The following TSPAN10 variants were observed in gnomAD, a reference collection of about 807,000 sequenced individuals.
TSPAN10 encodes the protein tetraspanin 10, also known as tetraspanin-10.
In TSPAN10, 11 loss-of-function variants were observed where a neutral mutation model predicts 15.0. The observed-to-expected ratio is 0.73, with a 90% confidence interval of 0.46 to 1.21. The LOEUF is 1.21. TSPAN10 is among the 50% of genes most tolerant of loss of function. The probability of loss-of-function intolerance (pLI) is 0.00; values close to 1 mark genes in which losing one functional copy is unlikely to be tolerated. For synonymous variants in TSPAN10, 241 were observed against 226.2 expected (o/e 1.07, Z -0.59); for missense variants, 486 against 470.6 (o/e 1.03, Z -0.30).
upstream of TSPAN10, among the ~76,000 whole-genome samples, chr17:81,641,688 G>A (rs2036179185): frequency 6.6e-6 from 1 of 152,090 alleles, no homozygotes; most frequent in Non-Finnish European, 1.5e-5. Context: ...GGCCAAGGCA[G>A]GAGAATCACT....
chr17:81,642,364 G>A (rs772499751), upstream of TSPAN10: 14 of 1,611,974 alleles, frequency 8.7e-6, no homozygotes, highest in East Asian at 8.9e-5. Context: ...AGGAGCCAGC[G>A]AACCTCTCCC....
chr17:81,645,262 G>A, exon 2 of TSPAN10: 10 of 1,533,000 alleles, frequency 6.5e-6, no homozygotes, highest in Non-Finnish European at 7.0e-6. Flanking sequence ...CTGGGGCCTG[G>A]CTGTCAAGGG....
upstream of TSPAN10, chr17:81,642,374 C>G (rs771337272): frequency 5.0e-6 from 8 of 1,613,202 alleles, no homozygotes; most frequent in Non-Finnish European, 6.8e-6. Flanking sequence ...GAACCTCTCC[C>G]GGCGCCTGTG....
upstream of TSPAN10, among the ~76,000 whole-genome samples, chr17:81,639,910 G>A (rs548145256): frequency 1.1e-3 from 161 of 151,904 alleles, no homozygotes; most frequent in Non-Finnish European, 1.1e-3. Context: ...AACCCGGGAG[G>A]CAGAGCTTGC....
chr17:81,637,807 A>ACG (rs1052076142), upstream of TSPAN10: 11 of 158,266 alleles, frequency 7.0e-5, no homozygotes, highest in African/African-American at 2.4e-4. Flanking sequence ...GGTGGCGGGC[A>ACG]CCTGTAATCC....
upstream of TSPAN10, chr17:81,637,818 C>G (rs145254831): frequency 5.4e-3 from 848 of 156,770 alleles, 11 homozygotes; most frequent in African/African-American, 0.019. Flanking sequence ...CCTGTAATCC[C>G]AGCTACTCGG....
chr17:81,641,534 TCA>T (rs1437726979), upstream of TSPAN10, among the ~76,000 whole-genome samples: 6 of 151,946 alleles, frequency 3.9e-5, no homozygotes, highest in Admixed American at 2.0e-4. Context: ...CCCAGGCGTC[TCA>T]CGCGCGCCTG....
intron 2 of TSPAN10, among the ~76,000 whole-genome samples, chr17:81,646,835 CTTT>C: frequency 8.0e-6 from 1 of 125,362 alleles, no homozygotes; most frequent in East Asian, 4.3e-4. Flanking sequence ...GGGTAGCTGT[CTTT>C]TTGTTGGTTT....
At chr17:81,642,335 C>T (rs1457871373), upstream of TSPAN10, 7 of 1,568,886 alleles carry the variant, frequency 4.5e-6, no homozygotes, top group South Asian at 7.8e-5. Context: ...TCAGGACCAG[C>T]CCAGCAGCCC....
At chr17:81,645,313 C>T (rs376783183) in exon 2 of TSPAN10, 5 of 1,549,854 alleles carry the variant, frequency 3.2e-6, no homozygotes, top group African/African-American at 1.4e-5. Context: ...GCCCGCAGAC[C>T]CCATGCTGGG....
At chr17:81,639,678 A>G (rs9747080), upstream of TSPAN10, among the ~76,000 whole-genome samples, 75,707 of 149,778 alleles carry the variant, frequency 0.51, 20,887 homozygotes, top group East Asian at 0.99. Flanking sequence ...TCATCCCAGC[A>G]CGGTGGCTCA....
chr17:81,639,524 G>C (rs546138714), upstream of TSPAN10, among the ~76,000 whole-genome samples: 244 of 151,874 alleles, frequency 1.6e-3, 1 homozygote, highest in African/African-American at 5.6e-3. Context: ...CTTCCTAACA[G>C]TCCTGGAAGC....
chr17:81,648,005 T>G (rs1361393041), exon 3 of TSPAN10: 1 of 1,610,306 alleles, frequency 6.2e-7, no homozygotes, highest in Non-Finnish European at 8.5e-7. Context: ...CAGTGCGGCT[T>G]CGGGGTCCTG....
At chr17:81,641,435 A>G (rs1336756559), upstream of TSPAN10, among the ~76,000 whole-genome samples, 1 of 151,892 alleles carries the variant, frequency 6.6e-6, no homozygotes, top group African/African-American at 2.4e-5. Flanking sequence ...CAGCCCTGTC[A>G]CCTCATGGAC....
chr17:81,642,084 AG>A (rs11298147), upstream of TSPAN10, among the ~76,000 whole-genome samples: 76,347 of 151,826 alleles, frequency 0.5, 21,056 homozygotes, highest in East Asian at 0.99. Flanking sequence ...GGGGGGCTGC[AG>A]TGAGAGCCAC....
chr17:81,637,242 G>A (rs2144364886), exon 1 of TSPAN10: 4 of 496,844 alleles, frequency 8.1e-6, no homozygotes, highest in Non-Finnish European at 1.1e-5. Context: ...GGAAAGTTGC[G>A]TCTGAGATTA....
At chr17:81,638,145 G>T (rs939119344), upstream of TSPAN10, 2 of 151,978 alleles carry the variant, frequency 1.3e-5, no homozygotes, top group African/African-American at 4.8e-5. Context: ...CCAACATATT[G>T]TCCCTGCCCA....
intron 1 of TSPAN10, among the ~76,000 whole-genome samples, chr17:81,644,276 CT>C (rs1357839119): frequency 1.3e-5 from 2 of 151,254 alleles, no homozygotes; most frequent in African/African-American, 4.9e-5. Flanking sequence ...AGGGGGTCCC[CT>C]CTGAAGGCCC....
chr17:81,638,085 AAAT>A (rs2036132147), upstream of TSPAN10: 1 of 41,130 alleles, frequency 2.4e-5, no homozygotes, highest in Non-Finnish European at 3.9e-5. Flanking sequence ...TTAATTGATT[AAAT>A]TATGTTAGTA....
Sources: gnomAD v4.1 joint callset for allele counts (sites outside exome capture counted in the v4.1 genomes callset) on GRCh38, gnomAD v4.1.1 for gene constraint, MANE v1.5 for transcripts, NCBI Gene and HGNC (gene_info 2026-07-23, HGNC 2026-07-21) for gene names.